Variants in COL24A1 observed in about 807,000 individuals in gnomAD.
The protein encoded by COL24A1 is collagen alpha-1(XXIV) chain.
A neutral mutation model predicts 253.9 loss-of-function variants in COL24A1; 224 were observed. The ratio of observed to expected loss-of-function variants is 0.88; its 90% CI spans 0.79 to 0.99. COL24A1 has a LOEUF of 0.99. Among genes scored for constraint, COL24A1 ranks in the 50% least tolerant of loss-of-function variants. COL24A1 has a pLI of 0.00. For missense variants in COL24A1, 2,131 were observed against 2,068.5 expected (o/e 1.03, Z -0.59); for synonymous variants, 685 against 673.7 (o/e 1.02, Z -0.26).
intron 2 of COL24A1, among the ~76,000 whole-genome samples, chr1:86,144,727 T>C (rs1572070876): frequency 9.2e-6 from 1 of 108,178 alleles, no homozygotes; most frequent in African/African-American, 3.3e-5. Context: ...GGTTCTTCCA[T>C]TCATTAAGCT....
intron 39 of COL24A1, among the ~76,000 whole-genome samples, chr1:85,842,805 T>A (rs1676758443): frequency 6.6e-6 from 1 of 152,120 alleles, no homozygotes. Flanking sequence ...CCATACTCAT[T>A]GTTAGTTTCA....
chr1:85,861,564 T>C (rs1271956955), intron 37 of COL24A1, among the ~76,000 whole-genome samples: 1 of 152,222 alleles, frequency 6.6e-6, no homozygotes, highest in East Asian at 1.9e-4. Flanking sequence ...AGTTCATTTT[T>C]TTCTGCAGTA....
At chr1:85,977,357 C>G (rs1244789686) in intron 20 of COL24A1, among the ~76,000 whole-genome samples, 4 of 152,112 alleles carry the variant, frequency 2.6e-5, no homozygotes, top group Admixed American at 6.6e-5. Flanking sequence ...AGCAGTGGAT[C>G]CAAACCAAGA....
At chr1:85,941,442 A>C (rs965196674) in intron 24 of COL24A1, among the ~76,000 whole-genome samples, 3 of 152,164 alleles carry the variant, frequency 2.0e-5, no homozygotes, top group Admixed American at 6.6e-5. Context: ...TTCTGAAGCA[A>C]GTCTTTGAAC....
chr1:85,815,138 T>G (rs1344440967), intron 47 of COL24A1, among the ~76,000 whole-genome samples: 1 of 152,210 alleles, frequency 6.6e-6, no homozygotes, highest in Admixed American at 6.5e-5. Flanking sequence ...TTGTTTGAAT[T>G]CTCAAAAATC....
intron 55 of COL24A1, among the ~76,000 whole-genome samples, chr1:85,747,625 G>C (rs1324979621): frequency 6.6e-6 from 1 of 152,086 alleles, no homozygotes; most frequent in African/African-American, 2.4e-5. Context: ...ATAGATTACA[G>C]CTAAATTCTC....
At chr1:85,823,876 A>G in intron 43 of COL24A1, 138 bp from the exon 44 acceptor site, 1 of 749,808 alleles carries the variant, frequency 1.3e-6, no homozygotes, top group Non-Finnish European at 2.2e-6. Flanking sequence ...TCTTCTTGGA[A>G]ATAGAAAAGA....
intron 53 of COL24A1, among the ~76,000 whole-genome samples, chr1:85,762,817 CAT>C (rs1175017088): frequency 6.6e-6 from 1 of 152,166 alleles, no homozygotes; most frequent in East Asian, 1.9e-4. Context: ...GTACAAAATA[CAT>C]ATGTTACCTT....
chr1:85,763,944 T>C (rs1667100745), intron 53 of COL24A1, among the ~76,000 whole-genome samples: 1 of 152,262 alleles, frequency 6.6e-6, no homozygotes. Flanking sequence ...TAACATATTT[T>C]ATCAGTATAC....
intron 1 of COL24A1, chr1:86,155,218 C>A (rs1653367505): frequency 6.6e-6 from 1 of 152,006 alleles, no homozygotes; most frequent in Admixed American, 6.5e-5. Context: ...AGCGAGGCTT[C>A]CAGGGGTCGG....
intron 19 of COL24A1, among the ~76,000 whole-genome samples, chr1:85,995,796 A>G (rs1275780226): frequency 6.6e-6 from 1 of 151,966 alleles, no homozygotes; most frequent in Non-Finnish European, 1.5e-5. Flanking sequence ...TGCTTGCAAG[A>G]TTTGGTTGTT....
At chr1:85,741,321 G>T (rs552875566) in intron 57 of COL24A1, among the ~76,000 whole-genome samples, 1 of 152,188 alleles carries the variant, frequency 6.6e-6, no homozygotes, top group African/African-American at 2.4e-5. Context: ...CTGCATTTTT[G>T]AAATTATTTG....
At chr1:85,923,770 C>T (rs1210494495) in intron 24 of COL24A1, among the ~76,000 whole-genome samples, 1 of 152,024 alleles carries the variant, frequency 6.6e-6, no homozygotes, top group Non-Finnish European at 1.5e-5. Flanking sequence ...ACTATAGAAG[C>T]AAGGGCAAAC....
chr1:85,795,013 G>T (rs570046932), intron 47 of COL24A1, among the ~76,000 whole-genome samples: 2 of 152,098 alleles, frequency 1.3e-5, no homozygotes, highest in Non-Finnish European at 2.9e-5. Context: ...CAAGTACTTC[G>T]ATCAGTAATG....
At chr1:86,057,787 C>A in intron 10 of COL24A1, 144 bp downstream of exon 10, 1 of 612,044 alleles carries the variant, frequency 1.6e-6, no homozygotes, top group Non-Finnish European at 2.8e-6. Context: ...GAAGTGAAAG[C>A]AACTGCAGTA....
intron 47 of COL24A1, among the ~76,000 whole-genome samples, chr1:85,811,350 A>G (rs1433672510): frequency 6.6e-6 from 1 of 152,182 alleles, no homozygotes; most frequent in African/African-American, 2.4e-5. Flanking sequence ...TACTATCTAT[A>G]TGTATCCCAT....
At chr1:85,975,204 G>A (rs1250844850) in intron 20 of COL24A1, among the ~76,000 whole-genome samples, 6 of 151,970 alleles carry the variant, frequency 3.9e-5, no homozygotes, top group Admixed American at 3.9e-4. Context: ...AAAGTATGGA[G>A]TTTCCTCAAA....
chr1:86,039,442 A>G (rs1288153927), intron 12 of COL24A1, among the ~76,000 whole-genome samples: 1 of 152,208 alleles, frequency 6.6e-6, no homozygotes, highest in Non-Finnish European at 1.5e-5. Flanking sequence ...TAAAATAACT[A>G]GGAAAATAAG....
intron 37 of COL24A1, among the ~76,000 whole-genome samples, chr1:85,862,135 A>T (rs1679224423): frequency 6.6e-6 from 1 of 152,072 alleles, no homozygotes; most frequent in Non-Finnish European, 1.5e-5. Flanking sequence ...TAGTATGTTT[A>T]TTTCCATTAT....
Sources: allele counts gnomAD v4.1 joint callset (sites outside exome capture counted in the v4.1 genomes callset), GRCh38; gene constraint gnomAD v4.1.1; transcripts MANE v1.5; gene names NCBI Gene and HGNC (gene_info 2026-07-23, HGNC 2026-07-21).